Variants in PDIK1L observed in about 807,000 individuals in gnomAD.
The protein encoded by PDIK1L is serine/threonine-protein kinase PDIK1L.
Under a neutral mutation model 27.1 loss-of-function variants are expected in PDIK1L, and 9 were observed. That is an observed-to-expected ratio of 0.33 (90% CI 0.20 to 0.58). The LOEUF is 0.58. PDIK1L is among the 20% of genes least tolerant of loss of function. PDIK1L has a pLI of 0.86. For synonymous variants in PDIK1L, 130 were observed against 141.7 expected (o/e 0.92, Z 0.59); for missense variants, 216 against 413.2 (o/e 0.52, Z 4.14).
In PDIK1L at chr1:26,122,683, A is replaced by G; in HGVS notation, c.*106A>G. 7.6e-7 allele frequency: 1 copy of G among 1,323,086 alleles called. No individual in the cohort carries two copies. The highest frequency in any genetic ancestry group is 9.9e-7 in the Non-Finnish European group (1 of 1,006,858). The allele number at this position is 1,323,086 out of a possible 1,614,324, so 82.0% of individuals were successfully genotyped here. A position where few individuals can be genotyped will look rare whatever the true frequency, so the allele number is the denominator to read the frequency against. On this transcript the variant is annotated 3_prime_UTR_variant, in exon 3 of 3. Coordinates refer to ENST00000374269, the MANE Select transcript of PDIK1L (RefSeq NM_152835.5). The surrounding 1 kb of genome is among the most constrained non-coding windows in gnomAD (Gnocchi z 5.4). ...ATAAAAAGCTAGACTCTACCCTCTAAGGGTTTAGATTTTTTGTGGGATTTT... is the reference window on the plus strand; with the variant it reads ...ATAAAAAGCTAGACTCTACCCTCTAGGGGTTTAGATTTTTTGTGGGATTTT...
Position 26,114,716 on chromosome 1 carries a change from A to G in PDIK1L, c.285+123A>G, listed in dbSNP as rs2783681. 3 of 1,086,916 alleles carry G rather than the reference A, an allele frequency of 2.8e-6. 1 individual carries two copies. The East Asian group carries it at 7.7e-5, about 28-fold the overall frequency. 67.3% of individuals were successfully genotyped at this position (1,086,916 alleles called of 1,614,324 possible). A position where few individuals can be genotyped will look rare whatever the true frequency, so the allele number is the denominator to read the frequency against. Reference sequence around the variant, plus strand: ...CAGGTGTTTGTAGTTAGAAGTAGATAAGTGTCTGCCAAGAATTGAGTAGAT... The same window carrying G: ...CAGGTGTTTGTAGTTAGAAGTAGATGAGTGTCTGCCAAGAATTGAGTAGAT... On this transcript the variant is annotated intron_variant, in intron 2 of 2. Transcript: ENST00000374269. This position sits in a 1 kb window ranked among gnomAD's most constrained non-coding sequence, Gnocchi z 4.8.
intron 2 of PDIK1L, among the ~76,000 whole-genome samples, chr1:26,120,974 A>G (rs2087975363): frequency 6.7e-6 from 1 of 149,874 alleles, no homozygotes; most frequent in South Asian, 2.1e-4. Context: ...AAAAAAGACT[A>G]TGTACTGTAT....
upstream of PDIK1L, chr1:26,111,338 C>T (rs936593811): frequency 6.6e-6 from 1 of 152,554 alleles, no homozygotes; most frequent in African/African-American, 2.4e-5. The surrounding 1 kb of genome is among the most constrained non-coding windows in gnomAD (Gnocchi z 4.0). Flanking sequence ...AAGAGCACCG[C>T]GCCCCGCAGG....
At position 26,123,680 on chromosome 1, in the gene PDIK1L, C is replaced by T. The variant is rs1312739640; in HGVS notation, c.*1103C>T. 6.6e-6 allele frequency: 1 copy of T among 152,534 alleles called. No homozygotes were observed. Among genetic ancestry groups the T allele is most frequent in the East Asian group, 1.9e-4 (1 of 5,202 alleles). 9.4% of individuals were successfully genotyped at this position (152,534 alleles called of 1,614,324 possible). On this transcript the variant is annotated 3_prime_UTR_variant, in exon 3 of 3. Coordinates refer to ENST00000374269, the MANE Select transcript of PDIK1L (RefSeq NM_152835.5). ...CTGTTTTCTCTTGTCTGATTTGAAA[C>T]AGTACTGGTAATAATATGGTTGTTG...
intron 1 of PDIK1L, among the ~76,000 whole-genome samples, chr1:26,112,967 C>T (rs777786244): frequency 8.5e-5 from 13 of 152,218 alleles, no homozygotes; most frequent in Non-Finnish European, 1.8e-4. Flanking sequence ...CCTTTGCCCT[C>T]GCCTTTAAAC....
intron 2 of PDIK1L, among the ~76,000 whole-genome samples, chr1:26,121,164 CAA>C (rs983749426): frequency 3.9e-5 from 6 of 151,926 alleles, no homozygotes; most frequent in South Asian, 4.2e-4. Context: ...TATTTGAAAA[CAA>C]AATAAATATT....
chr1:26,112,270 T>C (rs759189519), intron 1 of PDIK1L, among the ~76,000 whole-genome samples: 4 of 152,142 alleles, frequency 2.6e-5, no homozygotes, highest in African/African-American at 9.7e-5. Flanking sequence ...GCAACACCTC[T>C]GGCCGCGACT....
chr1:26,122,742 C>T lies in PDIK1L; in HGVS notation c.*165C>T, dbSNP rs150405114. On this transcript the variant is annotated 3_prime_UTR_variant, in exon 3 of 3. Transcript: ENST00000374269. The surrounding 1 kb of genome is among the most constrained non-coding windows in gnomAD (Gnocchi z 5.4). ...TCATTTTTCTTAAATCCAAGTTGGC[C>T]GTTTTATTAGTATGTTTCAAATGTG... 0.011 allele frequency: 8,994 copies of T among 785,920 alleles called. 86 individuals are homozygous for T. The highest frequency in any genetic ancestry group is 0.014 in the Non-Finnish European group (7,451 of 550,544). The allele number at this position is 785,920 out of a possible 1,614,324, so 48.7% of individuals were successfully genotyped here. A position where few individuals can be genotyped will look rare whatever the true frequency, so the allele number is the denominator to read the frequency against.
Position 26,122,210 on chromosome 1 carries a change from G to A in PDIK1L, c.659G>A (p.Gly220Glu). Residue 220 changes from glycine (G) to glutamate (E), a missense_variant, in exon 3 of 3, where the codon GGA becomes GAA. Around this residue, in one of 2 missense-constraint regions of PDIK1L, gnomAD observed 169 missense variants for 366.0 expected, o/e 0.46. Coordinates refer to ENST00000374269, the MANE Select transcript of PDIK1L (RefSeq NM_152835.5). The surrounding 1 kb of genome is among the most constrained non-coding windows in gnomAD (Gnocchi z 5.4). ...VNKCFLSTAC[G>E]TDFYMAPEVW... ...AAGTGTTTCCTTTCCACAGCATGTG[G>A]AACAGATTTTTACATGGCTCCTGAA... The A allele has an allele frequency of 6.2e-7, 1 of 1,614,198 alleles. No individual in the cohort carries two copies. The highest frequency in any genetic ancestry group is 8.5e-7 in the Non-Finnish European group (1 of 1,180,036).
In PDIK1L at chr1:26,115,583, C is replaced by T. The variant is rs1008690257; in HGVS notation, c.285+990C>T. Among the ~76,000 whole-genome samples, 4 of 151,972 alleles carry T rather than the reference C, an allele frequency of 2.6e-5. No individual in the cohort carries two copies. In the East Asian group the frequency reaches 7.8e-4, roughly 29 times the overall value. On this transcript the variant is annotated intron_variant, in intron 2 of 2. Coordinates refer to ENST00000374269, the MANE Select transcript of PDIK1L (RefSeq NM_152835.5). Reference sequence around the variant, plus strand: ...TTGGGAGGCCAGGACGGGCAGATCACGAGGTCAGGAGATCAAGACCATCCT... The same window carrying T: ...TTGGGAGGCCAGGACGGGCAGATCATGAGGTCAGGAGATCAAGACCATCCT...
In PDIK1L at chr1:26,122,054, A is replaced by G; in HGVS notation, c.503A>G (p.Asp168Gly). The change falls in exon 3 of 3, where the codon GAT (aspartate) becomes GGT (glycine). Residue 168 changes from aspartate (D) to glycine (G), a missense_variant. Asp to Gly is a moderately conservative substitution (Grantham distance 94). This residue lies in a region of PDIK1L where 169 missense variants were observed against 366.0 expected (regional missense o/e 0.46). Coordinates refer to ENST00000374269, the MANE Select transcript of PDIK1L (RefSeq NM_152835.5). The surrounding 1 kb of genome is among the most constrained non-coding windows in gnomAD (Gnocchi z 5.4). ...NQIIHRDLKP[D>G]NILISQTRLD... The stretch of plus-strand genomic sequence containing the variant: ...ATCATCCACCGAGATCTTAAGCCTG[A>G]TAACATCCTGATTTCTCAAACCAGG... 1 of 1,614,040 alleles carries G rather than the reference A, an allele frequency of 6.2e-7. No individual in the cohort carries two copies. The highest frequency in any genetic ancestry group is 1.1e-5 in the South Asian group (1 of 91,078).
In PDIK1L at chr1:26,122,447, C is replaced by A. The variant is rs758897480; in HGVS notation, c.896C>A (p.Ser299Tyr). 9 of 1,614,144 alleles carry A rather than the reference C, an allele frequency of 5.6e-6. No individual in the cohort carries two copies. The highest frequency in any genetic ancestry group is 7.6e-6 in the Non-Finnish European group (9 of 1,179,998). Residue 299 changes from serine to tyrosine, a missense_variant, in exon 3 of 3, where the codon TCT becomes TAT. Physicochemically the swap from Ser to Tyr is moderately radical, Grantham distance 144 (BLOSUM62 -2). Transcript: ENST00000374269. This position sits in a 1 kb window ranked among gnomAD's most constrained non-coding sequence, Gnocchi z 5.4. ...CTTCTCATTCCTGTGAAGAAAAAAT[C>A]TATGAATGGGCGAATGAAACAACTG... Reference protein sequence around the residue: ...MELLIPVKKKSMNGRMKQLIK... With the variant: ...MELLIPVKKKYMNGRMKQLIK...
upstream of PDIK1L, chr1:26,111,546 G>C (rs994277057): frequency 6.6e-6 from 1 of 151,334 alleles, no homozygotes; most frequent in South Asian, 2.1e-4. This position sits in a 1 kb window ranked among gnomAD's most constrained non-coding sequence, Gnocchi z 4.0. Context: ...TGCGGCTGGA[G>C]GGTGGCCGAG....
At chr1:26,115,324 T>C (rs2087859372) in intron 2 of PDIK1L, among the ~76,000 whole-genome samples, 2 of 152,262 alleles carry the variant, frequency 1.3e-5, no homozygotes, top group African/African-American at 4.8e-5. Flanking sequence ...GAATGACAGC[T>C]GAAGCTTATG....
At chr1:26,120,097 C>T (rs2783620) in intron 2 of PDIK1L, among the ~76,000 whole-genome samples, 1 of 152,198 alleles carries the variant, frequency 6.6e-6, no homozygotes, top group South Asian at 2.1e-4. Flanking sequence ...TCTCAGCCAG[C>T]GGCCCCGTGG....
intron 2 of PDIK1L, among the ~76,000 whole-genome samples, chr1:26,117,323 C>T (rs966275161): frequency 5.3e-5 from 8 of 152,112 alleles, no homozygotes; most frequent in Admixed American, 6.6e-5. Context: ...TGAGCCACCT[C>T]GCCCAGCCAA....
chr1:26,120,862 G>C (rs1217750088), intron 2 of PDIK1L, among the ~76,000 whole-genome samples: 1 of 150,094 alleles, frequency 6.7e-6, no homozygotes, highest in Non-Finnish European at 1.5e-5. Context: ...CGAGGCAGGA[G>C]AATCTCTTGA....
Position 26,122,041 on chromosome 1 carries a change from G to A in PDIK1L, c.490G>A (p.Asp164Asn). The change falls in exon 3 of 3, where the codon GAT becomes AAT. Residue 164 changes from aspartate (D) to asparagine (N), a missense_variant. This residue lies in a region of PDIK1L where 169 missense variants were observed against 366.0 expected (regional missense o/e 0.46). Transcript: ENST00000374269. The surrounding 1 kb of genome is among the most constrained non-coding windows in gnomAD (Gnocchi z 5.4). ...GCATAAAAACCAGATCATCCACCGA[G>A]ATCTTAAGCCTGATAACATCCTGAT... The part of the protein sequence containing the change: ...FLHKNQIIHR[D>N]LKPDNILISQ... 6.2e-7 allele frequency: 1 copy of A among 1,613,932 alleles called. No individual in the cohort carries two copies. Among genetic ancestry groups the A allele is most frequent in the Non-Finnish European group, 8.5e-7 (1 of 1,180,024 alleles).
upstream of PDIK1L, chr1:26,111,541 C>A (rs2087793225): frequency 6.6e-6 from 1 of 151,276 alleles, no homozygotes; most frequent in Non-Finnish European, 1.5e-5. The surrounding 1 kb of genome is among the most constrained non-coding windows in gnomAD (Gnocchi z 4.0). Context: ...CCCGCTGCGG[C>A]TGGAGGGTGG....
Sources: gnomAD v4.1 joint callset for allele counts (sites outside exome capture counted in the v4.1 genomes callset) on GRCh38, gnomAD v4.1.1 for gene constraint, gnomAD v4.1.1 regional missense constraint, Gnocchi (gnomAD v3.1) non-coding constraint, MANE v1.5 for transcripts, NCBI Gene and HGNC (gene_info 2026-07-23, HGNC 2026-07-21) for gene names.